The following PATJ variants were observed in gnomAD, a reference collection of about 807,000 sequenced individuals.
PATJ encodes the protein inaD-like protein.
A neutral mutation model predicts 224.9 loss-of-function variants in PATJ; 190 were observed. The ratio of observed to expected loss-of-function variants is 0.84; its 90% CI spans 0.75 to 0.95. PATJ has a LOEUF of 0.95. PATJ is among the 40% of genes least tolerant of loss of function. The pLI is 0.00. For missense variants in PATJ, 2,121 were observed against 2,270.3 expected (o/e 0.93, Z 1.34); for synonymous variants, 769 against 820.3 (o/e 0.94, Z 1.07).
chr1:62,148,120 TTAAAAAAA>T (rs1668248745), intron 41 of PATJ, among the ~76,000 whole-genome samples, 156 bp from the exon 42 acceptor site: 1 of 108,496 alleles, frequency 9.2e-6, no homozygotes, highest in Non-Finnish European at 1.9e-5. Context: ...GACACTGTCT[TTAAAAAAA>T]AAAAAAAAAA....
chr1:61,749,682 GT>G (rs35267431), intron 1 of PATJ, among the ~76,000 whole-genome samples: 18 of 145,618 alleles, frequency 1.2e-4, no homozygotes, highest in East Asian at 2.0e-4. Context: ...GCAGCCTGGT[GT>G]TTTTTTTTTT....
chr1:61,783,425 T>TTC (rs990974477), intron 7 of PATJ, among the ~76,000 whole-genome samples: 1 of 142,920 alleles, frequency 7.0e-6, no homozygotes, highest in African/African-American at 2.6e-5. Flanking sequence ...TTTCTTTTCT[T>TTC]TTTTTTTTTT....
At chr1:62,033,524 G>A (rs1000881582) in intron 29 of PATJ, among the ~76,000 whole-genome samples, 6 of 152,176 alleles carry the variant, frequency 3.9e-5, no homozygotes, top group African/African-American at 1.4e-4. Flanking sequence ...TAAATGTTAA[G>A]CCTCTGGGAG....
At chr1:61,914,169 T>C (rs2149230363) in intron 25 of PATJ, among the ~76,000 whole-genome samples, 1 of 152,318 alleles carries the variant, frequency 6.6e-6, no homozygotes, top group African/African-American at 2.4e-5. Context: ...AGGAATGTAA[T>C]GATAGGCCAG....
chr1:61,916,109 T>G (rs1443823717), intron 26 of PATJ, among the ~76,000 whole-genome samples: 2 of 152,190 alleles, frequency 1.3e-5, no homozygotes, highest in Admixed American at 1.3e-4. Context: ...TATGTAGACA[T>G]AAAATTGACT....
At chr1:61,796,741 T>TTTCTTTCTTTC (rs373367263) in intron 10 of PATJ, among the ~76,000 whole-genome samples, 4,171 of 45,200 alleles carry the variant, frequency 0.092, 494 homozygotes, top group African/African-American at 0.23. Flanking sequence ...TCTTTCTTTC[T>TTTCTTTCTTTC]TTTTTTTCTT....
chr1:61,822,022 C>T (rs1338896839), intron 14 of PATJ, among the ~76,000 whole-genome samples: 1 of 152,176 alleles, frequency 6.6e-6, no homozygotes, highest in East Asian at 1.9e-4. Flanking sequence ...TTGCCTTTCC[C>T]AAATCGGAAA....
intron 27 of PATJ, among the ~76,000 whole-genome samples, chr1:61,968,924 G>T (rs887802099): frequency 1.3e-5 from 2 of 152,146 alleles, no homozygotes; most frequent in African/African-American, 4.8e-5. Context: ...TACAGTTTCT[G>T]TTTCTATGAA....
intron 28 of PATJ, among the ~76,000 whole-genome samples, chr1:61,997,513 G>A (rs539528067): frequency 1.2e-4 from 19 of 152,294 alleles, no homozygotes; most frequent in African/African-American, 3.6e-4. Flanking sequence ...AAAAGAAATT[G>A]AGAGTGTGGT....
In PATJ at chr1:62,123,018, T is replaced by G. The variant is rs777076769; in HGVS notation, c.5006-3T>G. 2.5e-6 allele frequency: 4 copies of G among 1,575,524 alleles called. No individual in the cohort carries two copies. In the South Asian group the frequency reaches 4.6e-5, roughly 18 times the overall value. On this transcript the variant is annotated splice_region_variant and splice_polypyrimidine_tract_variant and intron_variant, in intron 38 of 43. Coordinates refer to ENST00000642238, the MANE Select transcript of PATJ (RefSeq NM_001350145.3). ...AAAAGTTAATTGTGTTGCTTCTTTATAGGCACAGATATGGAACCAAGGACT... is the reference window on the plus strand; with the variant it reads ...AAAAGTTAATTGTGTTGCTTCTTTAGAGGCACAGATATGGAACCAAGGACT...
chr1:61,815,582 G>T (rs1182109377), intron 14 of PATJ, among the ~76,000 whole-genome samples: 1 of 152,134 alleles, frequency 6.6e-6, no homozygotes, highest in Admixed American at 6.5e-5. Context: ...ACTGGGCGGG[G>T]TGGTTTATGC....
intron 24 of PATJ, among the ~76,000 whole-genome samples, chr1:61,902,158 T>A (rs993375074): frequency 2.0e-5 from 3 of 150,878 alleles, no homozygotes; most frequent in African/African-American, 7.3e-5. Context: ...GAGGTGGGGG[T>A]CTCAGTGAGC....
chr1:62,100,231 C>A, intron 33 of PATJ: 1 of 581,704 alleles, frequency 1.7e-6, no homozygotes, highest in Non-Finnish European at 3.2e-6. Flanking sequence ...CCATCAGAAG[C>A]TTGGTGTCTT....
chr1:62,057,405 CT>C (rs1343917301), intron 31 of PATJ, among the ~76,000 whole-genome samples: 1 of 152,164 alleles, frequency 6.6e-6, no homozygotes, highest in Non-Finnish European at 1.5e-5. Flanking sequence ...ATGTTAAGCA[CT>C]GTGATCTCCA....
At chr1:61,976,485 C>T (rs1014949447) in intron 27 of PATJ, among the ~76,000 whole-genome samples, 1 of 151,998 alleles carries the variant, frequency 6.6e-6, no homozygotes, top group Non-Finnish European at 1.5e-5. Flanking sequence ...CGGCTCACTG[C>T]AACCTCTGCC....
rs79585544 is a variant in PATJ at position 62,130,205 on chromosome 1, G to A, written c.5271+1260G>A. Among the ~76,000 whole-genome samples, 377 of 152,280 alleles carry A rather than the reference G, an allele frequency of 2.5e-3. 15 individuals carry two copies. The East Asian group carries it at 0.06, about 24-fold the overall frequency. On this transcript the variant is annotated intron_variant, in intron 41 of 43. Coordinates refer to ENST00000642238, the MANE Select transcript of PATJ (RefSeq NM_001350145.3). ...AAAAGTTAGCCCGGCATGGTGGTGT[G>A]TGCCTGTAGTCTTAGCTACTCAAGA...
intron 26 of PATJ, 39 bp downstream of exon 26, chr1:61,914,703 T>G: frequency 8.1e-7 from 1 of 1,238,276 alleles, no homozygotes. Context: ...AATGTTTTTG[T>G]TTTGTTTTTG....
intron 27 of PATJ, among the ~76,000 whole-genome samples, chr1:61,987,739 G>A (rs1644841703): frequency 6.6e-6 from 1 of 152,074 alleles, no homozygotes; most frequent in Non-Finnish European, 1.5e-5. Context: ...GCAGCCAACA[G>A]CTACCCATGT....
chr1:61,867,592 T>TC, intron 20 of PATJ, among the ~76,000 whole-genome samples: 2 of 146,730 alleles, frequency 1.4e-5, no homozygotes, highest in South Asian at 4.3e-4. Flanking sequence ...TTTTTTTTTT[T>TC]GCCAATTCTC....
Sources: allele counts gnomAD v4.1 joint callset (sites outside exome capture counted in the v4.1 genomes callset), GRCh38; gene constraint gnomAD v4.1.1; transcripts MANE v1.5; gene names NCBI Gene and HGNC (gene_info 2026-07-23, HGNC 2026-07-21).